LY86: variants seen among roughly 807,000 people sequenced by gnomAD.
LY86 encodes MD-1, RP105-associated.
In LY86, 20 loss-of-function variants were observed where a neutral mutation model predicts 17.3. The ratio of observed to expected loss-of-function variants is 1.15; its 90% CI spans 0.81 to 1.68. LY86 has a LOEUF of 1.68. Ranked by LOEUF, LY86 falls within the 40% of genes most tolerant of loss-of-function variation. The probability of loss-of-function intolerance (pLI) is 0.00; values close to 1 mark genes in which losing one functional copy is unlikely to be tolerated. For missense variants in LY86, 200 were observed against 191.9 expected, an observed-to-expected ratio of 1.04 and a Z score of -0.25; for synonymous variants, 74 against 70.6, an observed-to-expected ratio of 1.05 and a Z score of -0.24.
Position 6,625,028 on chromosome 6 carries a change from G to T in LY86, c.223+16G>T, listed in dbSNP as rs553977919. 3 of 1,199,388 alleles carry T rather than the reference G, an allele frequency of 2.5e-6. No homozygotes were observed. Among genetic ancestry groups the T allele is most frequent in the East Asian group, 4.8e-5 (2 of 41,820 alleles). 74.3% of individuals were successfully genotyped at this position (1,199,388 alleles called of 1,614,324 possible). A position where few individuals can be genotyped will look rare whatever the true frequency, so the allele number is the denominator to read the frequency against. On this transcript the variant is annotated intron_variant, in intron 2 of 4. Coordinates refer to ENST00000230568, the MANE Select transcript of LY86 (RefSeq NM_004271.4). ...ATTATTCTGAGTAAGTAAAAAAAAT[G>T]ATTAGCATGAAATAAAACATTGCAC...
chr6:6,626,287 C>T lies in LY86; in HGVS notation c.224-6C>T, dbSNP rs1203515336. 6.2e-7 allele frequency: 1 copy of T among 1,613,528 alleles called. No homozygotes were observed. The highest frequency in any genetic ancestry group is 2.2e-5 in the East Asian group (1 of 44,882). On this transcript the variant is annotated splice_polypyrimidine_tract_variant and splice_region_variant and intron_variant, in intron 2 of 4. Coordinates refer to ENST00000230568, the MANE Select transcript of LY86 (RefSeq NM_004271.4). ...AAGAGTAAAGCTGTTCTTCTCTTTC[C>T]TCCAGGAGAGGACATCAAAGAGCTT...
intron 1 of LY86, among the ~76,000 whole-genome samples, chr6:6,613,341 G>A (rs113570041): frequency 2.6e-5 from 4 of 152,210 alleles, no homozygotes; most frequent in South Asian, 4.1e-4. Context: ...GCTGCTCGTC[G>A]GGGAGGCTTG....
chr6:6,650,353 T>G (rs1390992186), intron 4 of LY86, among the ~76,000 whole-genome samples: 1 of 151,288 alleles, frequency 6.6e-6, no homozygotes, highest in Non-Finnish European at 1.5e-5. Flanking sequence ...TTTTTTTTTT[T>G]TGAGAGAGTC....
intron 1 of LY86, among the ~76,000 whole-genome samples, chr6:6,621,902 A>AG (rs1761687682): frequency 6.6e-6 from 1 of 152,204 alleles, no homozygotes; most frequent in Non-Finnish European, 1.5e-5. Context: ...AAACATGCAA[A>AG]GTGCCTGAGT....
rs780479886 is a variant in LY86, at chr6:6,626,392, A to G, written c.323A>G (p.Lys108Arg). The change falls in exon 3 of 5, where the codon AAG becomes AGG. Residue 108 changes from lysine to arginine, a missense_variant. Physicochemically the swap from Lys to Arg is conservative, Grantham distance 26 (BLOSUM62 2). Coordinates refer to ENST00000230568, the MANE Select transcript of LY86 (RefSeq NM_004271.4). Reference protein sequence around the residue: ...SYPICEAALPKFSFCGRRKGE... With the variant: ...SYPICEAALPRFSFCGRRKGE... Reference sequence around the variant, plus strand: ...CCCATCTGTGAGGCGGCTCTGCCCAAGTTTTCTTTCTGTGGAAGAAGGAAA... The same window carrying G: ...CCCATCTGTGAGGCGGCTCTGCCCAGGTTTTCTTTCTGTGGAAGAAGGAAA... The G allele has an allele frequency of 4.3e-6, 7 of 1,613,822 alleles. No individual in the cohort carries two copies. Among genetic ancestry groups the G allele is most frequent in the Middle Eastern group, 1.6e-4 (1 of 6,082 alleles).
intron 1 of LY86, among the ~76,000 whole-genome samples, chr6:6,597,751 A>G (rs914199745): frequency 3.9e-5 from 6 of 152,280 alleles, no homozygotes; most frequent in Admixed American, 3.3e-4. Context: ...TGCCCTCAGC[A>G]GAAGTGAGTG....
chr6:6,643,182 T>G (rs554949209), intron 3 of LY86, among the ~76,000 whole-genome samples: 1 of 152,250 alleles, frequency 6.6e-6, no homozygotes, highest in African/African-American at 2.4e-5. Context: ...ATCTCCACAC[T>G]GTTTTCCACA....
intron 1 of LY86, among the ~76,000 whole-genome samples, chr6:6,608,419 A>G (rs1264572015): frequency 6.6e-6 from 1 of 152,218 alleles, no homozygotes; most frequent in African/African-American, 2.4e-5. Context: ...TATCGACTAC[A>G]ATTGTGTCCC....
At chr6:6,602,651 T>TA (rs1760946158) in intron 1 of LY86, among the ~76,000 whole-genome samples, 1 of 152,088 alleles carries the variant, frequency 6.6e-6, no homozygotes, top group Non-Finnish European at 1.5e-5. Flanking sequence ...CCACTGTGGG[T>TA]AACTGGGGTT....
chr6:6,596,899 G>C (rs1049079063), intron 1 of LY86, among the ~76,000 whole-genome samples: 2 of 152,152 alleles, frequency 1.3e-5, no homozygotes, highest in Admixed American at 1.3e-4. Flanking sequence ...CCTAGAGAGG[G>C]AAAAAAGCCA....
At chr6:6,601,156 C>A (rs536991594) in intron 1 of LY86, among the ~76,000 whole-genome samples, 1 of 151,908 alleles carries the variant, frequency 6.6e-6, no homozygotes, top group African/African-American at 2.4e-5. Context: ...AAACAATGAA[C>A]AGGAGACTCT....
intron 1 of LY86, among the ~76,000 whole-genome samples, chr6:6,620,188 A>G (rs1561786637): frequency 6.6e-6 from 1 of 152,222 alleles, no homozygotes; most frequent in Non-Finnish European, 1.5e-5. Flanking sequence ...ACATCTGAAT[A>G]AACTTTGTGG....
At chr6:6,619,093 G>A (rs1394650081) in intron 1 of LY86, among the ~76,000 whole-genome samples, 2 of 152,092 alleles carry the variant, frequency 1.3e-5, no homozygotes, top group Non-Finnish European at 2.9e-5. Context: ...ACCCTTGAAC[G>A]TCATCCTATG....
chr6:6,637,316 C>A (rs985549884), intron 3 of LY86, among the ~76,000 whole-genome samples: 19 of 152,178 alleles, frequency 1.2e-4, no homozygotes, highest in African/African-American at 3.6e-4. Context: ...TGGCCACATA[C>A]TGTTTTTTAA....
chr6:6,654,633 G>T lies in LY86; in HGVS notation c.*6G>T, dbSNP rs1762234666. On this transcript the variant is annotated 3_prime_UTR_variant, in exon 5 of 5. Coordinates refer to ENST00000230568, the MANE Select transcript of LY86 (RefSeq NM_004271.4). ...CTACTATCATGTGCTCCTGACTGTG[G>T]CCTGTAGCAAAAATCACAGCCAGCT... 6.2e-7 allele frequency: 1 copy of T among 1,613,474 alleles called. No individual in the cohort carries two copies. Among genetic ancestry groups the T allele is most frequent in the South Asian group, 1.1e-5 (1 of 91,020 alleles).
intron 1 of LY86, among the ~76,000 whole-genome samples, chr6:6,612,131 A>T (rs1761366064): frequency 6.6e-6 from 1 of 152,110 alleles, no homozygotes; most frequent in Admixed American, 6.6e-5. Context: ...TCAGCTCAAC[A>T]ACTCCTAAGA....
chr6:6,599,444 G>A (rs1760828454), intron 1 of LY86, among the ~76,000 whole-genome samples: 3 of 152,214 alleles, frequency 2.0e-5, no homozygotes, highest in Admixed American at 6.5e-5. Flanking sequence ...AGTTCTTAGT[G>A]GCTAGGGATA....
chr6:6,602,411 G>C, intron 1 of LY86, among the ~76,000 whole-genome samples: 1 of 152,118 alleles, frequency 6.6e-6, no homozygotes, highest in East Asian at 1.9e-4. Flanking sequence ...CAAGAAACCT[G>C]GTGTAAATTA....
At chr6:6,650,260 A>G (rs780711443) in intron 4 of LY86, among the ~76,000 whole-genome samples, 3 of 152,152 alleles carry the variant, frequency 2.0e-5, no homozygotes, top group Non-Finnish European at 4.4e-5. Context: ...GTTCAAGATA[A>G]TGTGACATTA....
Sources: allele counts gnomAD v4.1 joint callset (sites outside exome capture counted in the v4.1 genomes callset), GRCh38; gene constraint gnomAD v4.1.1; transcripts MANE v1.5; gene names NCBI Gene and HGNC (gene_info 2026-07-23, HGNC 2026-07-21).